Variants in GBF1 observed in about 807,000 individuals in gnomAD.
GBF1 encodes the protein Golgi-specific brefeldin A-resistance guanine nucleotide exchange factor 1.
GBF1 carries 114 observed loss-of-function variants against 210.5 expected under a neutral mutation model. The observed-to-expected ratio is 0.54, with a 90% CI of 0.47 to 0.63. The LOEUF is 0.63. Among genes scored for constraint, GBF1 ranks in the 30% least tolerant of loss-of-function variants. The pLI, the probability that GBF1 is intolerant of heterozygous loss-of-function variation, is 0.00. For synonymous variants in GBF1, 850 were observed against 889.2 expected, an observed-to-expected ratio of 0.96 and a Z score of 0.78; for missense variants, 1,851 against 2,357.7, an observed-to-expected ratio of 0.79 and a Z score of 4.45.
In GBF1 at chr10:102,299,415, A is replaced by G. The variant is rs562841301; in HGVS notation, c.163+39299A>G. On this transcript the variant is annotated intron_variant, in intron 3 of 39. Coordinates refer to ENST00000369983, the MANE Select transcript of GBF1 (RefSeq NM_001377137.1). The stretch of plus-strand genomic sequence containing the variant: ...TGTGGTAGTGGTTACATGAGTTAGT[A>G]CATGTGTTAAAACTCATAGATAATA... 9.7e-4 allele frequency among the ~76,000 whole-genome samples: 148 copies of G among 152,302 alleles called. No homozygotes were observed. In the Middle Eastern group the frequency reaches 0.01, roughly 11 times the overall value.
chr10:102,277,654 C>T (rs966289445), intron 3 of GBF1, among the ~76,000 whole-genome samples: 3 of 152,206 alleles, frequency 2.0e-5, no homozygotes, highest in African/African-American at 7.2e-5. Context: ...GCTAGGATTA[C>T]AGGCGTGAGC....
At chr10:102,321,134 C>T (rs2056350655) in intron 3 of GBF1, among the ~76,000 whole-genome samples, 1 of 152,148 alleles carries the variant, frequency 6.6e-6, no homozygotes. Flanking sequence ...CCTTGTATTT[C>T]TTCATAACAC....
chr10:102,231,197 G>A, the GBF1 span: 11 of 1,240,144 alleles, frequency 8.9e-6, no homozygotes, highest in Non-Finnish European at 1.2e-5. Flanking sequence ...GGGGCCCTGC[G>A]GTCAATAAAC....
intron 3 of GBF1, among the ~76,000 whole-genome samples, chr10:102,321,448 T>C (rs2056383927): frequency 6.6e-6 from 1 of 152,248 alleles, no homozygotes; most frequent in Non-Finnish European, 1.5e-5. Flanking sequence ...TGAATGCTCT[T>C]TATCATATAT....
chr10:102,366,313 C>T lies in GBF1; in HGVS notation c.2310-70C>T. On this transcript the variant is annotated intron_variant, in intron 18 of 39. Transcript: ENST00000369983. The surrounding 1 kb of genome is among the most constrained non-coding windows in gnomAD (Gnocchi z 4.0). Reference sequence around the variant, plus strand: ...TTCCAGTAAGAGTAGGTTAGGAGGACAGTGACTAAAAGAGCCTGACATGTG... The same window carrying T: ...TTCCAGTAAGAGTAGGTTAGGAGGATAGTGACTAAAAGAGCCTGACATGTG... 6.4e-7 allele frequency: 1 copy of T among 1,562,670 alleles called. No individual in the cohort carries two copies. Among genetic ancestry groups the T allele is most frequent in the Non-Finnish European group, 8.8e-7 (1 of 1,136,662 alleles).
the GBF1 span, among the ~76,000 whole-genome samples, chr10:102,238,113 C>T: frequency 6.6e-6 from 1 of 152,122 alleles, no homozygotes; most frequent in Non-Finnish European, 1.5e-5. Flanking sequence ...GAAAGTTATT[C>T]CTCTCTGTCT....
intron 36 of GBF1, 71 bp from the exon 37 acceptor site, chr10:102,380,178 C>A: frequency 1.0e-6 from 1 of 980,782 alleles, no homozygotes; most frequent in South Asian, 1.3e-5. Context: ...ACAGGCTTAG[C>A]TACCCAGCCT....
At chr10:102,287,484 G>T (rs1460280817) in intron 3 of GBF1, among the ~76,000 whole-genome samples, 1 of 150,842 alleles carries the variant, frequency 6.6e-6, no homozygotes, top group Non-Finnish European at 1.5e-5. Context: ...CACTGCACCT[G>T]GTCTATTTCA....
At chr10:102,310,884 G>A (rs2078358671) in intron 3 of GBF1, among the ~76,000 whole-genome samples, 1 of 152,196 alleles carries the variant, frequency 6.6e-6, no homozygotes, top group Non-Finnish European at 1.5e-5. Flanking sequence ...GTGTTGAATG[G>A]CAAATATGTG....
chr10:102,251,739 A>G (rs2071569045), intron 1 of GBF1, among the ~76,000 whole-genome samples: 1 of 152,018 alleles, frequency 6.6e-6, no homozygotes, highest in Non-Finnish European at 1.5e-5. Flanking sequence ...TATGTTTTGT[A>G]GAGACAGGGT....
At chr10:102,256,208 G>A (rs541867033) in intron 1 of GBF1, among the ~76,000 whole-genome samples, 87 of 152,306 alleles carry the variant, frequency 5.7e-4, no homozygotes, top group Non-Finnish European at 1.0e-3. Flanking sequence ...GCCTTCCAAA[G>A]TGTTAGGGAT....
intron 3 of GBF1, among the ~76,000 whole-genome samples, chr10:102,340,879 G>C (rs923741091): frequency 3.3e-5 from 5 of 152,132 alleles, no homozygotes; most frequent in Admixed American, 6.6e-5. Context: ...AAAATGGGAG[G>C]GTGGAAATCT....
chr10:102,370,876 C>G lies in GBF1; in HGVS notation c.3660+16C>G, dbSNP rs1343699037. 1.9e-6 allele frequency: 3 copies of G among 1,612,354 alleles called. No homozygotes were observed. Among genetic ancestry groups the G allele is most frequent in the Non-Finnish European group, 2.5e-6 (3 of 1,178,624 alleles). Reference sequence around the variant, plus strand: ...CAGTGCTCAGGTAAGCAGAATGCATCTTGGAGAGTGGGCAGGTATGCAAGG... The same window carrying G: ...CAGTGCTCAGGTAAGCAGAATGCATGTTGGAGAGTGGGCAGGTATGCAAGG... On this transcript the variant is annotated intron_variant, in intron 29 of 39. Coordinates refer to ENST00000369983, the MANE Select transcript of GBF1 (RefSeq NM_001377137.1).
At chr10:102,271,124 G>A (rs1009963480) in intron 3 of GBF1, among the ~76,000 whole-genome samples, 4 of 151,352 alleles carry the variant, frequency 2.6e-5, no homozygotes, top group African/African-American at 7.3e-5. Context: ...TGCAAGCTCC[G>A]CCTCCTGGGT....
At chr10:102,337,295 G>GCAAACCCA (rs1554967652) in intron 3 of GBF1, among the ~76,000 whole-genome samples, 2 of 150,238 alleles carry the variant, frequency 1.3e-5, no homozygotes, top group African/African-American at 4.9e-5. Context: ...GAAGAATGGT[G>GCAAACCCA]CGTGGGGGAG....
chr10:102,365,668 T>G, intron 18 of GBF1, 69 bp downstream of exon 18: 1 of 1,357,492 alleles, frequency 7.4e-7, no homozygotes, highest in Non-Finnish European at 1.1e-6. Flanking sequence ...CCTGACACTT[T>G]GGGAGGCTGA....
chr10:102,259,400 C>T (rs2072897015), intron 2 of GBF1, among the ~76,000 whole-genome samples: 1 of 152,090 alleles, frequency 6.6e-6, no homozygotes, highest in South Asian at 2.1e-4. Context: ...ATACATAGAA[C>T]ATGACTTAGT....
At chr10:102,311,154 A>C (rs982363521) in intron 3 of GBF1, among the ~76,000 whole-genome samples, 1 of 152,220 alleles carries the variant, frequency 6.6e-6, no homozygotes, top group Non-Finnish European at 1.5e-5. Context: ...GAAACAGAGG[A>C]GCTCTTAAGT....
chr10:102,253,050 A>G (rs919513840), intron 1 of GBF1, among the ~76,000 whole-genome samples: 1 of 151,946 alleles, frequency 6.6e-6, no homozygotes, highest in Non-Finnish European at 1.5e-5. Context: ...CCCTGCCATC[A>G]TGCCCAGCTA....
Sources: allele counts gnomAD v4.1 joint callset (sites outside exome capture counted in the v4.1 genomes callset), GRCh38; gene constraint gnomAD v4.1.1; non-coding constraint Gnocchi (gnomAD v3.1); transcripts MANE v1.5; gene names NCBI Gene and HGNC (gene_info 2026-07-23, HGNC 2026-07-21).